Variants in SLMAP observed in about 807,000 individuals in gnomAD.
SLMAP encodes the protein sarcolemma associated protein, also known as sarcolemmal membrane-associated protein.
Under a neutral mutation model 128.8 loss-of-function variants are expected in SLMAP, and 44 were observed. The observed-to-expected ratio is 0.34, with a 90% confidence interval of 0.27 to 0.44. SLMAP has a LOEUF of 0.44. Ranked by LOEUF, SLMAP falls within the 20% of genes least tolerant of loss-of-function variation. SLMAP has a pLI of 1.00. For synonymous variants in SLMAP, 327 were observed against 348.8 expected, an observed-to-expected ratio of 0.94 and a Z score of 0.70; for missense variants, 787 against 985.3, an observed-to-expected ratio of 0.80 and a Z score of 2.69.
chr3:57,787,176 G>T (rs892574798), intron 2 of SLMAP, among the ~76,000 whole-genome samples: 1 of 152,182 alleles, frequency 6.6e-6, no homozygotes, highest in Non-Finnish European at 1.5e-5. Context: ...AAGCTGTAAA[G>T]AAATTATAAT....
chr3:57,912,729 G>C lies in SLMAP; in HGVS notation c.2020+28G>C, dbSNP rs374884138. ...GAATAAATGTATTTTACATAAAGCTGTTAACTTTTGACAATGATAACTTCT... is the reference window on the plus strand; with the variant it reads ...GAATAAATGTATTTTACATAAAGCTCTTAACTTTTGACAATGATAACTTCT... On this transcript the variant is annotated intron_variant, in intron 20 of 24. Transcript: ENST00000671191. 3 of 1,538,270 alleles carry C rather than the reference G, an allele frequency of 2.0e-6. No individual in the cohort carries two copies. In the East Asian group the frequency reaches 6.8e-5, roughly 35 times the overall value.
intron 2 of SLMAP, among the ~76,000 whole-genome samples, chr3:57,775,954 C>T (rs1285230869): frequency 6.6e-6 from 1 of 152,140 alleles, no homozygotes; most frequent in Non-Finnish European, 1.5e-5. Context: ...CTGCCTCGGC[C>T]TCCCAAAGTG....
At chr3:57,902,865 C>T (rs2096427256) in intron 17 of SLMAP, among the ~76,000 whole-genome samples, 1 of 152,130 alleles carries the variant, frequency 6.6e-6, no homozygotes, top group South Asian at 2.1e-4. Context: ...GCATAATTAT[C>T]GTCAAAAGTG....
chr3:57,872,496 A>G (rs565762041), intron 14 of SLMAP, among the ~76,000 whole-genome samples: 46 of 152,086 alleles, frequency 3.0e-4, no homozygotes, highest in African/African-American at 1.0e-3. Flanking sequence ...GCAGGCGCCT[A>G]TAATCCCAGC....
chr3:57,828,259 T>C (rs1018788063), intron 2 of SLMAP, among the ~76,000 whole-genome samples: 15 of 152,186 alleles, frequency 9.9e-5, no homozygotes, highest in South Asian at 4.1e-4. Flanking sequence ...ATGCCCAGCC[T>C]AGTTTAACAT....
chr3:57,773,046 A>T (rs2081197608), intron 2 of SLMAP, among the ~76,000 whole-genome samples: 1 of 152,208 alleles, frequency 6.6e-6, no homozygotes, highest in African/African-American at 2.4e-5. Flanking sequence ...AGGAAGCTAT[A>T]AACGACAGCG....
chr3:57,852,217 A>G (rs569162252), intron 6 of SLMAP, among the ~76,000 whole-genome samples: 2 of 152,272 alleles, frequency 1.3e-5, no homozygotes, highest in South Asian at 4.1e-4. Context: ...GGACCCCTAC[A>G]TTCTTTTATA....
intron 17 of SLMAP, chr3:57,897,513 A>G (rs886300510): frequency 2.0e-5 from 3 of 152,090 alleles, no homozygotes; most frequent in African/African-American, 4.8e-5. Context: ...CCTGACCAAC[A>G]TGGAGAAACC....
rs576536272 is a variant in SLMAP at position 57,860,900 on chromosome 3, A to G, written c.828+61A>G. The G allele has an allele frequency of 7.0e-4, 949 of 1,350,226 alleles. 3 individuals are homozygous for G. Among genetic ancestry groups the G allele is most frequent in the Middle Eastern group, 6.0e-3 (24 of 3,992 alleles). 83.6% of individuals were successfully genotyped at this position (1,350,226 alleles called of 1,614,324 possible). On this transcript the variant is annotated intron_variant, in intron 9 of 24. Transcript: ENST00000671191. Reference sequence around the variant, plus strand: ...ATGAGTGTTCAAAAAAATCTCAAGCATTCCAGGATACTTTAAACTTGGGTA... The same window carrying G: ...ATGAGTGTTCAAAAAAATCTCAAGCGTTCCAGGATACTTTAAACTTGGGTA...
At position 57,909,153 on chromosome 3, in the gene SLMAP, A is replaced by G. The variant is rs757048661; in HGVS notation, c.1699+3A>G. 1.8e-5 allele frequency: 28 copies of G among 1,590,798 alleles called. No homozygotes were observed. Among genetic ancestry groups the G allele is most frequent in the Non-Finnish European group, 2.2e-5 (26 of 1,162,058 alleles). ...TAAACAAATACAGGTTCTTCAAGGT[A>G]TGGAAGACCCCAAGGCTCTTTGAGA... On this transcript the variant is annotated splice_donor_region_variant and intron_variant, in intron 19 of 24. Transcript: ENST00000671191.
chr3:57,804,512 A>T (rs2089369468), intron 2 of SLMAP, among the ~76,000 whole-genome samples: 1 of 152,206 alleles, frequency 6.6e-6, no homozygotes, highest in Non-Finnish European at 1.5e-5. Context: ...TGGGAGGTTG[A>T]GGCAGGAGGT....
chr3:57,860,687 C>A lies in SLMAP; in HGVS notation c.688-12C>A, dbSNP rs1357559368. The A allele has an allele frequency of 5.9e-6, 9 of 1,513,030 alleles. No homozygotes were observed. The highest frequency in any genetic ancestry group is 2.9e-5 in the African/African-American group (2 of 69,772). 93.7% of individuals were successfully genotyped at this position (1,513,030 alleles called of 1,614,324 possible). A position where few individuals can be genotyped will look rare whatever the true frequency, so the allele number is the denominator to read the frequency against. ...ATAACTTGTCTATAATTATAAATAT[C>A]TTTTATTGTAGAATCAAACAGAAGA... On this transcript the variant is annotated splice_polypyrimidine_tract_variant and intron_variant, in intron 8 of 24. Coordinates refer to ENST00000671191, the MANE Select transcript of SLMAP (RefSeq NM_001377540.1).
chr3:57,791,941 A>G (rs950609608), intron 2 of SLMAP, among the ~76,000 whole-genome samples: 1 of 152,172 alleles, frequency 6.6e-6, no homozygotes, highest in Admixed American at 6.5e-5. Context: ...GAAGTATAAC[A>G]GGATATTTTA....
rs1057326324 is a variant in SLMAP at position 57,929,146 on chromosome 3, A to G, written c.*1857A>G. 6.6e-6 allele frequency: 1 copy of G among 152,648 alleles called. No homozygotes were observed. Among genetic ancestry groups the G allele is most frequent in the African/African-American group, 2.4e-5 (1 of 41,466 alleles). 9.5% of individuals were successfully genotyped at this position (152,648 alleles called of 1,614,324 possible). A position where few individuals can be genotyped will look rare whatever the true frequency, so the allele number is the denominator to read the frequency against. ...TAACACACGTGACGTGCATGATTTAATAAAATAACTTTACTCTCCCTACGC... is the reference window on the plus strand; with the variant it reads ...TAACACACGTGACGTGCATGATTTAGTAAAATAACTTTACTCTCCCTACGC... On this transcript the variant is annotated 3_prime_UTR_variant, in exon 25 of 25. Transcript: ENST00000671191.
At chr3:57,828,885 A>G (rs538967276) in intron 2 of SLMAP, among the ~76,000 whole-genome samples, 4 of 152,014 alleles carry the variant, frequency 2.6e-5, no homozygotes, top group African/African-American at 9.7e-5. Context: ...GGCTCAAGCC[A>G]TCCTCCCAGC....
intron 2 of SLMAP, among the ~76,000 whole-genome samples, chr3:57,814,096 T>C (rs1459348975): frequency 3.3e-5 from 5 of 152,080 alleles, no homozygotes; most frequent in African/African-American, 1.2e-4. Flanking sequence ...ATTATTCTTT[T>C]TTTTTTTTTC....
At chr3:57,925,499 T>C (rs528850351) in intron 23 of SLMAP, among the ~76,000 whole-genome samples, 2 of 151,974 alleles carry the variant, frequency 1.3e-5, no homozygotes, top group Non-Finnish European at 2.9e-5. Flanking sequence ...GGCTAACTTT[T>C]GTATTTTTAG....
At chr3:57,757,898 C>T in intron 2 of SLMAP, 49 bp downstream of exon 2, 1 of 1,549,904 alleles carries the variant, frequency 6.5e-7, no homozygotes, top group Non-Finnish European at 8.9e-7. Flanking sequence ...ACTTTTTTTC[C>T]CCTTTTGCCC....
chr3:57,773,322 T>A (rs2081242054), intron 2 of SLMAP, among the ~76,000 whole-genome samples: 2 of 152,166 alleles, frequency 1.3e-5, no homozygotes, highest in Non-Finnish European at 2.9e-5. Flanking sequence ...CATCAATAGG[T>A]TCTTGGAAAC....
Sources: gnomAD v4.1 joint callset for allele counts (sites outside exome capture counted in the v4.1 genomes callset) on GRCh38, gnomAD v4.1.1 for gene constraint, MANE v1.5 for transcripts, NCBI Gene and HGNC (gene_info 2026-07-23, HGNC 2026-07-21) for gene names.